Variants in IQCJ observed in about 807,000 individuals in gnomAD.
IQCJ encodes the protein IQ motif containing J, also known as IQ domain-containing protein J.
Under a neutral mutation model 11.0 loss-of-function variants are expected in IQCJ, and 9 were observed. The ratio of observed to expected loss-of-function variants is 0.82; its 90% CI spans 0.49 to 1.43. The LOEUF is 1.43. IQCJ is among the 40% of genes most tolerant of loss of function. IQCJ has a pLI of 0.00. For synonymous variants in IQCJ, 55 were observed against 51.3 expected (o/e 1.07, Z -0.31); for missense variants, 146 against 133.2 (o/e 1.10, Z -0.47).
chr3:159,091,266 G>T (rs6441250), intron 1 of IQCJ, among the ~76,000 whole-genome samples: 151,634 of 151,844 alleles, frequency 1, 75,713 homozygotes, highest in Middle Eastern at 1. Context: ...ACTGGGTGCC[G>T]TATTAACAAC....
At chr3:159,161,771 C>G (rs1166150333) in intron 1 of IQCJ, among the ~76,000 whole-genome samples, 1 of 152,172 alleles carries the variant, frequency 6.6e-6, no homozygotes, top group South Asian at 2.1e-4. Flanking sequence ...TTCCCAGCAC[C>G]ATTTATTAAA....
At chr3:159,140,705 G>A (rs1320944228) in intron 1 of IQCJ, among the ~76,000 whole-genome samples, 1 of 152,144 alleles carries the variant, frequency 6.6e-6, no homozygotes, top group African/African-American at 2.4e-5. Flanking sequence ...GAATCATTAG[G>A]CATGTTGTTC....
intron 1 of IQCJ, among the ~76,000 whole-genome samples, chr3:159,110,001 T>A (rs1053704336): frequency 6.6e-6 from 1 of 152,136 alleles, no homozygotes; most frequent in African/African-American, 2.4e-5. Flanking sequence ...CACAGATCAG[T>A]GTTGATAAAA....
intron 1 of IQCJ, among the ~76,000 whole-genome samples, chr3:159,191,404 G>T (rs780232696): frequency 6.6e-6 from 1 of 152,148 alleles, no homozygotes; most frequent in Non-Finnish European, 1.5e-5. Context: ...GGATTTGGGG[G>T]ACAGAAATGG....
intron 1 of IQCJ, among the ~76,000 whole-genome samples, chr3:159,201,778 T>C (rs949090233): frequency 1.7e-4 from 26 of 152,056 alleles, no homozygotes; most frequent in African/African-American, 6.3e-4. Context: ...CTGATAATGA[T>C]TCTTAATCTG....
chr3:159,207,264 T>C (rs1577080834), intron 1 of IQCJ, among the ~76,000 whole-genome samples: 1 of 152,342 alleles, frequency 6.6e-6, no homozygotes, highest in East Asian at 1.9e-4. Flanking sequence ...AGCCAAACAA[T>C]TAATTTCATA....
intron 1 of IQCJ, among the ~76,000 whole-genome samples, chr3:159,147,506 A>C (rs937878498): frequency 9.2e-5 from 14 of 152,204 alleles, no homozygotes; most frequent in African/African-American, 3.1e-4. Context: ...TCAGAACTTT[A>C]TACTCTCAAT....
intron 1 of IQCJ, among the ~76,000 whole-genome samples, chr3:159,128,749 T>C (rs1719821480): frequency 6.6e-6 from 1 of 151,458 alleles, no homozygotes. Context: ...CCAAAGTTTA[T>C]AAAGCACCCT....
chr3:159,206,646 C>G (rs946090924), intron 1 of IQCJ, among the ~76,000 whole-genome samples: 3 of 152,182 alleles, frequency 2.0e-5, no homozygotes, highest in African/African-American at 7.2e-5. Flanking sequence ...TTAGATTCTA[C>G]TACCACATTC....
intron 1 of IQCJ, among the ~76,000 whole-genome samples, chr3:159,129,016 C>T (rs546076684): frequency 3.9e-5 from 6 of 152,190 alleles, no homozygotes; most frequent in Admixed American, 6.6e-5. Context: ...AAAACAACCA[C>T]GCATACCAAC....
intron 1 of IQCJ, among the ~76,000 whole-genome samples, chr3:159,232,851 G>T (rs1726345055): frequency 1.3e-5 from 2 of 152,144 alleles, no homozygotes; most frequent in East Asian, 1.9e-4. Context: ...GTGTGGGAAA[G>T]AATCATTCCT....
At chr3:159,154,598 G>A (rs1014367311) in intron 1 of IQCJ, among the ~76,000 whole-genome samples, 1 of 152,080 alleles carries the variant, frequency 6.6e-6, no homozygotes, top group Non-Finnish European at 1.5e-5. Flanking sequence ...GCTTCTCTGG[G>A]TTTCCTCTAC....
intron 1 of IQCJ, among the ~76,000 whole-genome samples, chr3:159,233,869 C>A (rs1560036161): frequency 6.6e-6 from 1 of 152,130 alleles, no homozygotes; most frequent in Non-Finnish European, 1.5e-5. Flanking sequence ...GGAGGCATTG[C>A]CATCATCATC....
chr3:159,257,923 T>C (rs1727989787), intron 3 of IQCJ, among the ~76,000 whole-genome samples: 1 of 152,178 alleles, frequency 6.6e-6, no homozygotes, highest in South Asian at 2.1e-4. Context: ...TTGGGAATGA[T>C]GATCAGTTCC....
chr3:159,156,937 T>G (rs909437080), intron 1 of IQCJ, among the ~76,000 whole-genome samples: 9 of 152,218 alleles, frequency 5.9e-5, no homozygotes, highest in African/African-American at 2.2e-4. Context: ...TATTTTCAAC[T>G]TTTTAAGTCC....
At chr3:159,149,894 C>T (rs1201068911) in intron 1 of IQCJ, among the ~76,000 whole-genome samples, 3 of 152,126 alleles carry the variant, frequency 2.0e-5, no homozygotes, top group Admixed American at 1.3e-4. Context: ...TGACTCATCT[C>T]TCCCTGCCTC....
At chr3:159,092,699 A>ACACACACACACACACACACAC in intron 1 of IQCJ, among the ~76,000 whole-genome samples, 1 of 141,690 alleles carries the variant, frequency 7.1e-6, no homozygotes, top group African/African-American at 2.8e-5. Flanking sequence ...CTCCATCACA[A>ACACACACACACACACACACAC]ACACACACAC....
intron 1 of IQCJ, among the ~76,000 whole-genome samples, chr3:159,154,288 C>T (rs969812433): frequency 1.4e-4 from 21 of 152,082 alleles, no homozygotes; most frequent in Non-Finnish European, 2.9e-5. Flanking sequence ...ACTGTGGCAC[C>T]GTAGGCATGG....
chr3:159,121,541 C>G (rs2108141870), intron 1 of IQCJ, among the ~76,000 whole-genome samples: 1 of 152,274 alleles, frequency 6.6e-6, no homozygotes, highest in South Asian at 2.1e-4. Context: ...CTAAGTCCAT[C>G]CTGGTGAAAG....
Sources: allele counts gnomAD v4.1 joint callset (sites outside exome capture counted in the v4.1 genomes callset), GRCh38; gene constraint gnomAD v4.1.1; transcripts MANE v1.5; gene names NCBI Gene and HGNC (gene_info 2026-07-23, HGNC 2026-07-21).